Variants in SRGAP1 observed in about 807,000 individuals in gnomAD.
The protein encoded by SRGAP1 is SLIT-ROBO Rho GTPase activating protein 1.
SRGAP1 carries 43 observed loss-of-function variants against 121.9 expected under a neutral mutation model. That is an observed-to-expected ratio of 0.35 (90% CI 0.28 to 0.46). The LOEUF (loss-of-function observed/expected upper bound fraction) is 0.46, where lower values mean the gene tolerates loss of function less well. SRGAP1 is among the 20% of genes least tolerant of loss of function. The probability of loss-of-function intolerance (pLI) is 1.00; values close to 1 mark genes in which losing one functional copy is unlikely to be tolerated. For missense variants in SRGAP1, 1,102 were observed against 1,350.9 expected (o/e 0.82, Z 2.89); for synonymous variants, 447 against 485.4 (o/e 0.92, Z 1.04).
At chr12:63,926,826 A>T (rs536106089) in intron 1 of SRGAP1, among the ~76,000 whole-genome samples, 3 of 152,090 alleles carry the variant, frequency 2.0e-5, no homozygotes, top group Non-Finnish European at 4.4e-5. Flanking sequence ...CTCTTTGATC[A>T]ACACTTCCCA....
intron 1 of SRGAP1, among the ~76,000 whole-genome samples, chr12:63,849,202 G>A (rs1205233226): frequency 6.6e-6 from 1 of 152,228 alleles, no homozygotes; most frequent in Non-Finnish European, 1.5e-5. Context: ...AGTTGACTAT[G>A]CTATTTGTTA....
At chr12:64,107,460 T>C (rs573440972) in intron 15 of SRGAP1, among the ~76,000 whole-genome samples, 12 of 152,292 alleles carry the variant, frequency 7.9e-5, no homozygotes, top group Admixed American at 2.0e-4. Context: ...AGACTTCAGT[T>C]AGAAAATTAG....
intron 3 of SRGAP1, among the ~76,000 whole-genome samples, chr12:63,993,906 T>C (rs1370911788): frequency 6.6e-6 from 1 of 152,116 alleles, no homozygotes; most frequent in African/African-American, 2.4e-5. Context: ...TATTCAACTA[T>C]TCAAATACTG....
At chr12:64,086,328 A>G (rs2035938618) in intron 10 of SRGAP1, among the ~76,000 whole-genome samples, 2 of 152,246 alleles carry the variant, frequency 1.3e-5, no homozygotes, top group Admixed American at 6.5e-5. Flanking sequence ...GAGCCCTACA[A>G]AAATTCAGCC....
chr12:64,115,048 T>C (rs983471923), intron 17 of SRGAP1, among the ~76,000 whole-genome samples: 1 of 152,188 alleles, frequency 6.6e-6, no homozygotes, highest in East Asian at 1.9e-4. Context: ...GATAAAATCA[T>C]GATTCTCATA....
chr12:64,121,517 A>T (rs2036605992), intron 18 of SRGAP1, among the ~76,000 whole-genome samples: 1 of 151,986 alleles, frequency 6.6e-6, no homozygotes, highest in African/African-American at 2.4e-5. Flanking sequence ...AGCCTCCCAA[A>T]ATGCTGGGAT....
At chr12:64,050,617 G>A (rs1348937061) in intron 6 of SRGAP1, among the ~76,000 whole-genome samples, 2 of 152,162 alleles carry the variant, frequency 1.3e-5, no homozygotes, top group South Asian at 2.1e-4. Flanking sequence ...CCCAAGGAAT[G>A]TTCCACAGCT....
At chr12:64,113,161 A>G (rs1223076095) in intron 17 of SRGAP1, among the ~76,000 whole-genome samples, 2 of 152,078 alleles carry the variant, frequency 1.3e-5, no homozygotes, top group Non-Finnish European at 2.9e-5. Context: ...TAATCCCAGC[A>G]CTTTGGGAGG....
intron 1 of SRGAP1, among the ~76,000 whole-genome samples, chr12:63,903,174 A>C (rs950277537): frequency 6.6e-6 from 1 of 151,904 alleles, no homozygotes; most frequent in Non-Finnish European, 1.5e-5. Flanking sequence ...ATCCACATGC[A>C]CTCATACTCA....
At chr12:64,027,173 G>A (rs1330283164) in intron 4 of SRGAP1, among the ~76,000 whole-genome samples, 1 of 152,080 alleles carries the variant, frequency 6.6e-6, no homozygotes, top group African/African-American at 2.4e-5. Context: ...TACATAATTA[G>A]TTCTTTATAT....
Position 64,152,926 on chromosome 12 carries a change from A to C in SRGAP1, c.*10254A>C, listed in dbSNP as rs1204316407. 2 of 151,418 alleles carry C rather than the reference A, an allele frequency of 1.3e-5. No individual in the cohort carries two copies. Among genetic ancestry groups the C allele is most frequent in the African/African-American group, 2.4e-5 (1 of 41,242 alleles). 9.4% of individuals were successfully genotyped at this position (151,418 alleles called of 1,614,324 possible). A position where few individuals can be genotyped will look rare whatever the true frequency, so the allele number is the denominator to read the frequency against. ...TGGTATGATTTAAAAAAAAAAAAAA[A>C]AAAAAAAAAACCACTACATAAGCCA... On this transcript the variant is annotated 3_prime_UTR_variant, in exon 22 of 22. Coordinates refer to ENST00000355086, the MANE Select transcript of SRGAP1 (RefSeq NM_020762.4).
intron 1 of SRGAP1, among the ~76,000 whole-genome samples, chr12:63,933,642 C>T (rs916850397): frequency 1.3e-5 from 2 of 152,134 alleles, no homozygotes; most frequent in African/African-American, 4.8e-5. Flanking sequence ...CATTTTGGGA[C>T]TATTTTAAAG....
At position 63,868,035 on chromosome 12, in the gene SRGAP1, CATAT is replaced by C. The variant is rs1555232932; in HGVS notation, c.67+23171_67+23174del. ...CTCAAGGGCTGATAAATTCTATTTCCATATATATATATATATATATATTTTTTTT... is the reference window on the plus strand; with the variant it reads ...CTCAAGGGCTGATAAATTCTATTTCCATATATATATATATATATTTTTTTT... On this transcript the variant is annotated intron_variant, in intron 1 of 21. Coordinates refer to ENST00000355086, the MANE Select transcript of SRGAP1 (RefSeq NM_020762.4). 5.7e-4 allele frequency among the ~76,000 whole-genome samples: 31 copies of C among 54,822 alleles called. 1 individual carries two copies. Among genetic ancestry groups the C allele is most frequent in the African/African-American group, 1.1e-3 (15 of 13,660 alleles). The allele number at this position is 54,822 out of a possible 152,430, so 36.0% of individuals were successfully genotyped here.
intron 1 of SRGAP1, among the ~76,000 whole-genome samples, chr12:63,912,217 C>T (rs1321041434): frequency 6.6e-6 from 1 of 152,128 alleles, no homozygotes; most frequent in Non-Finnish European, 1.5e-5. Flanking sequence ...TTAATCCTCA[C>T]AGTACAAAAG....
At chr12:64,019,505 G>A (rs1435853352) in intron 4 of SRGAP1, among the ~76,000 whole-genome samples, 1 of 152,124 alleles carries the variant, frequency 6.6e-6, no homozygotes. Flanking sequence ...TAATCAGAGA[G>A]CATGCTCAGC....
chr12:63,910,550 TC>T (rs1273481098), intron 1 of SRGAP1, among the ~76,000 whole-genome samples: 1 of 152,170 alleles, frequency 6.6e-6, no homozygotes, highest in Non-Finnish European at 1.5e-5. Flanking sequence ...AGCATTGGGG[TC>T]TTTCTACAGG....
intron 3 of SRGAP1, among the ~76,000 whole-genome samples, chr12:63,996,407 T>C (rs1473573058): frequency 6.6e-6 from 1 of 152,118 alleles, no homozygotes; most frequent in East Asian, 1.9e-4. Flanking sequence ...GTTAGTTTTC[T>C]GTTGTTAGAC....
chr12:64,007,689 C>T (rs765378496), intron 3 of SRGAP1, among the ~76,000 whole-genome samples: 3 of 152,144 alleles, frequency 2.0e-5, no homozygotes, highest in Non-Finnish European at 4.4e-5. Flanking sequence ...TATAAGGCTA[C>T]AGGAGTTAAG....
chr12:64,077,313 CGTT>C (rs1432609732), intron 8 of SRGAP1, among the ~76,000 whole-genome samples: 2 of 151,896 alleles, frequency 1.3e-5, no homozygotes, highest in African/African-American at 4.8e-5. Flanking sequence ...AAATAAAAGA[CGTT>C]GTCAAGTCAA....
Sources: gnomAD v4.1 joint callset for allele counts (sites outside exome capture counted in the v4.1 genomes callset) on GRCh38, gnomAD v4.1.1 for gene constraint, MANE v1.5 for transcripts, NCBI Gene and HGNC (gene_info 2026-07-23, HGNC 2026-07-21) for gene names.